SPOCK1: variants seen among roughly 807,000 people sequenced by gnomAD.
The protein encoded by SPOCK1 is testican-1.
Under a neutral mutation model 55.3 loss-of-function variants are expected in SPOCK1, and 23 were observed. The observed-to-expected ratio is 0.42, with a 90% CI of 0.30 to 0.59. SPOCK1 has a LOEUF of 0.59. Ranked by LOEUF, SPOCK1 falls within the 20% of genes least tolerant of loss-of-function variation. The pLI is 0.22. For missense variants in SPOCK1, 499 were observed against 552.5 expected, an observed-to-expected ratio of 0.90 and a Z score of 0.97; for synonymous variants, 226 against 221.0, an observed-to-expected ratio of 1.02 and a Z score of -0.20.
Position 137,384,496 on chromosome 5 carries a change from A to G in SPOCK1, c.186+113877T>C, listed in dbSNP as rs549709645. Among the ~76,000 whole-genome samples the G allele has an allele frequency of 2.0e-5, 3 of 151,960 alleles. No homozygotes were observed. The South Asian group carries it at 6.2e-4, about 32-fold the overall frequency. ...CAGCTGCCATCACAAATTCACACAG[A>G]CTTGGTGGCATATACATACATACAT... On this transcript the variant is annotated intron_variant, in intron 2 of 10. Coordinates refer to ENST00000394945, the MANE Select transcript of SPOCK1 (RefSeq NM_004598.4).
intron 3 of SPOCK1, among the ~76,000 whole-genome samples, chr5:137,196,528 T>C (rs1247702497): frequency 6.6e-6 from 1 of 152,216 alleles, no homozygotes; most frequent in Non-Finnish European, 1.5e-5. Flanking sequence ...TCACAGAGTA[T>C]TTAAACATGT....
chr5:137,151,131 C>A (rs149187133), intron 3 of SPOCK1, among the ~76,000 whole-genome samples: 66 of 152,088 alleles, frequency 4.3e-4, no homozygotes, highest in African/African-American at 1.5e-3. Context: ...AGTAGGTAAT[C>A]TAAAATTTAT....
chr5:137,255,047 C>A (rs1248949046), intron 3 of SPOCK1, among the ~76,000 whole-genome samples: 1 of 152,208 alleles, frequency 6.6e-6, no homozygotes, highest in Non-Finnish European at 1.5e-5. Flanking sequence ...ATGTATCAAG[C>A]CAGGCCTTTA....
At chr5:137,316,764 T>A (rs1231839977) in intron 2 of SPOCK1, among the ~76,000 whole-genome samples, 1 of 152,212 alleles carries the variant, frequency 6.6e-6, no homozygotes, top group Non-Finnish European at 1.5e-5. Flanking sequence ...AGTCTTAAAT[T>A]GCAGGAAACC....
intron 2 of SPOCK1, among the ~76,000 whole-genome samples, chr5:137,298,900 T>C (rs748100171): frequency 7.2e-5 from 11 of 152,160 alleles, no homozygotes; most frequent in Non-Finnish European, 1.5e-4. Context: ...AGTAAGCCTC[T>C]TGTAGACAAC....
intron 3 of SPOCK1, among the ~76,000 whole-genome samples, chr5:137,216,609 C>T (rs1755721428): frequency 6.6e-6 from 1 of 151,966 alleles, no homozygotes; most frequent in South Asian, 2.1e-4. Flanking sequence ...TACTCAGGAG[C>T]CTGAGGTAGG....
chr5:137,299,330 T>C (rs1043378931), intron 2 of SPOCK1, among the ~76,000 whole-genome samples: 8 of 152,118 alleles, frequency 5.3e-5, no homozygotes, highest in African/African-American at 1.9e-4. Flanking sequence ...ATAATATATG[T>C]TGGGTTTATA....
chr5:137,200,706 G>C (rs557505112), intron 3 of SPOCK1, among the ~76,000 whole-genome samples: 1 of 152,012 alleles, frequency 6.6e-6, no homozygotes, highest in South Asian at 2.1e-4. Context: ...GAATGTGCAG[G>C]TTACATAGGT....
chr5:137,202,526 G>A (rs1468141757), intron 3 of SPOCK1, among the ~76,000 whole-genome samples: 1 of 152,140 alleles, frequency 6.6e-6, no homozygotes, highest in Non-Finnish European at 1.5e-5. Flanking sequence ...AAATGTACAT[G>A]ATATCAATTT....
At position 137,348,759 on chromosome 5, in the gene SPOCK1, G is replaced by C. The variant is rs1329247433; in HGVS notation, c.187-81704C>G. 2.6e-5 allele frequency among the ~76,000 whole-genome samples: 4 copies of C among 152,200 alleles called. No individual in the cohort carries two copies. The East Asian group carries it at 7.7e-4, about 29-fold the overall frequency. On this transcript the variant is annotated intron_variant, in intron 2 of 10. Coordinates refer to ENST00000394945, the MANE Select transcript of SPOCK1 (RefSeq NM_004598.4). ...AGGCTCTGAAAGGATGGAGCACACG[G>C]ACTTGTTCAAATCACTGTCTAGAGA...
At chr5:137,487,090 A>G (rs1263116862) in intron 2 of SPOCK1, among the ~76,000 whole-genome samples, 1 of 152,244 alleles carries the variant, frequency 6.6e-6, no homozygotes, top group African/African-American at 2.4e-5. Flanking sequence ...CAGTCTGTCC[A>G]ACAGACTTAA....
intron 2 of SPOCK1, among the ~76,000 whole-genome samples, chr5:137,479,083 A>C (rs1358529547): frequency 6.6e-6 from 1 of 151,522 alleles, no homozygotes; most frequent in Non-Finnish European, 1.5e-5. Flanking sequence ...TTCCCATTCA[A>C]GTGCCGTGTA....
chr5:137,401,561 A>AAG (rs2127184226), intron 2 of SPOCK1, among the ~76,000 whole-genome samples: 1 of 138,728 alleles, frequency 7.2e-6, no homozygotes, highest in Non-Finnish European at 1.5e-5. Context: ...ATCTCTACAA[A>AAG]AAAAAAAAAA....
In SPOCK1 at chr5:137,114,734, A is replaced by G. The variant is rs180794853; in HGVS notation, c.348-2173T>C. ...GACTTAATCATCATTTACACAGCAG[A>G]TTGTCTGACACTGATAATGAATCAG... On this transcript the variant is annotated intron_variant, in intron 4 of 10. Coordinates refer to ENST00000394945, the MANE Select transcript of SPOCK1 (RefSeq NM_004598.4). Among the ~76,000 whole-genome samples, 6 of 152,366 alleles carry G rather than the reference A, an allele frequency of 3.9e-5. No homozygotes were observed. The East Asian group carries it at 5.8e-4, about 15-fold the overall frequency.
intron 2 of SPOCK1, among the ~76,000 whole-genome samples, chr5:137,312,839 G>A (rs1473808869): frequency 6.6e-6 from 1 of 152,216 alleles, no homozygotes; most frequent in Non-Finnish European, 1.5e-5. Context: ...TTGTCCACTT[G>A]CAGGAGATTC....
chr5:136,985,270 C>T, intron 8 of SPOCK1, 68 bp from the exon 9 acceptor site: 1 of 1,407,460 alleles, frequency 7.1e-7, no homozygotes, highest in Non-Finnish European at 1.0e-6. Flanking sequence ...ATTGACTTCA[C>T]TCTTGATGTG....
At chr5:137,136,693 T>C (rs1753991847) in intron 4 of SPOCK1, among the ~76,000 whole-genome samples, 1 of 152,160 alleles carries the variant, frequency 6.6e-6, no homozygotes, top group African/African-American at 2.4e-5. Context: ...CAAACTAAAT[T>C]AAAAATTATT....
chr5:137,471,146 A>G (rs1485620287), intron 2 of SPOCK1, among the ~76,000 whole-genome samples: 1 of 152,094 alleles, frequency 6.6e-6, no homozygotes, highest in Non-Finnish European at 1.5e-5. Context: ...GCTCTGTCCA[A>G]CTCTCCAATC....
chr5:137,190,133 C>T (rs1755151971), intron 3 of SPOCK1, among the ~76,000 whole-genome samples: 1 of 151,982 alleles, frequency 6.6e-6, no homozygotes, highest in Non-Finnish European at 1.5e-5. Flanking sequence ...TTGAAATGAT[C>T]ACGAAGAATT....
Sources: gnomAD v4.1 joint callset for allele counts (sites outside exome capture counted in the v4.1 genomes callset) on GRCh38, gnomAD v4.1.1 for gene constraint, MANE v1.5 for transcripts, NCBI Gene and HGNC (gene_info 2026-07-23, HGNC 2026-07-21) for gene names.